Variants in GDI2 observed in about 807,000 individuals in gnomAD.
GDI2 encodes the protein rab GDP dissociation inhibitor beta.
GDI2 carries 22 observed loss-of-function variants against 54.2 expected under a neutral mutation model. The observed-to-expected ratio is 0.41, with a 90% CI of 0.29 to 0.58. GDI2 has a LOEUF of 0.58. Among genes scored for constraint, GDI2 ranks in the 20% least tolerant of loss-of-function variants. The pLI, the probability that GDI2 is intolerant of heterozygous loss-of-function variation, is 0.35. For synonymous variants in GDI2, 177 were observed against 182.1 expected (o/e 0.97, Z 0.23); for missense variants, 422 against 546.0 (o/e 0.77, Z 2.26).
Position 5,765,631 on chromosome 10 carries a change from CAA to C in GDI2, c.*373_*374del. 6.1e-6 allele frequency: 1 copy of C among 164,400 alleles called. No individual in the cohort carries two copies. The highest frequency in any genetic ancestry group is 6.4e-5 in the Admixed American group (1 of 15,576). 10.2% of individuals were successfully genotyped at this position (164,400 alleles called of 1,614,324 possible). ...ATTCAATTTAGAATCTCCTGAACCT[CAA>C]GAGGACAGATGACACACAACCTGTA... On this transcript the variant is annotated 3_prime_UTR_variant, in exon 11 of 11. Transcript: ENST00000380191.
At chr10:5,804,080 G>T (rs931050251) in intron 1 of GDI2, among the ~76,000 whole-genome samples, 20 of 141,414 alleles carry the variant, frequency 1.4e-4, no homozygotes, top group Non-Finnish European at 2.8e-4. Flanking sequence ...CACTATAGGA[G>T]TGTGAATCAT....
intron 6 of GDI2, among the ~76,000 whole-genome samples, chr10:5,784,926 C>T (rs564688238): frequency 6.6e-6 from 1 of 152,322 alleles, no homozygotes; most frequent in African/African-American, 2.4e-5. Context: ...GGAGTTGGCA[C>T]TTACAAGAGC....
chr10:5,795,077 T>G, intron 3 of GDI2, 58 bp from the exon 4 acceptor site: 1 of 1,023,928 alleles, frequency 9.8e-7, no homozygotes, highest in Non-Finnish European at 1.5e-6. Flanking sequence ...AAAGAACATT[T>G]ACTAATACTA....
chr10:5,774,934 G>A lies in GDI2; in HGVS notation c.720-993C>T, dbSNP rs1342377867. Among the ~76,000 whole-genome samples, 2 of 149,714 alleles carry A rather than the reference G, an allele frequency of 1.3e-5. No individual in the cohort carries two copies. Among genetic ancestry groups the A allele is most frequent in the Non-Finnish European group, 3.0e-5 (2 of 66,846 alleles). ...CAAGGGCAAGGCCAAGGGAAGGGTT[G>A]ACCAGTAATAGCTATATTAGTCTAA... On this transcript the variant is annotated intron_variant, in intron 6 of 10. Transcript: ENST00000380191. The surrounding 1 kb of genome is among the most constrained non-coding windows in gnomAD (Gnocchi z 4.8).
At chr10:5,791,750 G>GAAAAAAAAAAAAA in intron 4 of GDI2, among the ~76,000 whole-genome samples, 1 of 137,268 alleles carries the variant, frequency 7.3e-6, no homozygotes, top group Non-Finnish European at 1.5e-5. Flanking sequence ...CAAAAAAAAA[G>GAAAAAAAAAAAAA]AAAAAAAAAA....
chr10:5,799,729 G>A (rs1841225642), intron 2 of GDI2, among the ~76,000 whole-genome samples: 1 of 152,186 alleles, frequency 6.6e-6, no homozygotes, highest in African/African-American at 2.4e-5. Flanking sequence ...GGGACCACTG[G>A]GAAATTTGAA....
intron 6 of GDI2, among the ~76,000 whole-genome samples, chr10:5,779,556 A>T (rs566802539): frequency 6.6e-6 from 1 of 151,766 alleles, no homozygotes; most frequent in Non-Finnish European, 1.5e-5. Context: ...AGATCTAGAC[A>T]GTATAAAAAA....
chr10:5,796,703 GT>G, intron 3 of GDI2, 59 bp downstream of exon 3: 1 of 858,550 alleles, frequency 1.2e-6, no homozygotes, highest in Non-Finnish European at 2.0e-6. Context: ...TCAAAAGTTA[GT>G]TTTGATATTA....
At chr10:5,797,073 C>G (rs1470705557) in intron 2 of GDI2, among the ~76,000 whole-genome samples, 1 of 152,062 alleles carries the variant, frequency 6.6e-6, no homozygotes, top group Non-Finnish European at 1.5e-5. Flanking sequence ...TTAAAATTAA[C>G]AAATATGGCA....
chr10:5,794,024 C>A (rs565891013), intron 4 of GDI2, among the ~76,000 whole-genome samples: 4 of 150,858 alleles, frequency 2.7e-5, no homozygotes, highest in Admixed American at 2.0e-4. Context: ...ATTAGCCGGG[C>A]GTGTTGGTAC....
At chr10:5,770,818 T>G (rs1840472133) in intron 7 of GDI2, among the ~76,000 whole-genome samples, 2 of 151,376 alleles carry the variant, frequency 1.3e-5, no homozygotes, top group Admixed American at 1.3e-4. Context: ...ATACAAAAAT[T>G]AGCTGGGTGT....
Position 5,794,760 on chromosome 10 carries a change from C to T in GDI2, c.388+125G>A, listed in dbSNP as rs2131708138. The T allele has an allele frequency of 2.8e-5, 20 of 702,210 alleles. 2 individuals carry two copies. In the South Asian group the frequency reaches 3.6e-4, roughly 13 times the overall value. The allele number at this position is 702,210 out of a possible 1,614,324, so 43.5% of individuals were successfully genotyped here. A position where few individuals can be genotyped will look rare whatever the true frequency, so the allele number is the denominator to read the frequency against. ...TGTTCCCAACTGCCTAGAACAGTGT[C>T]TGGCACATGATAGACATTCAATAAA... On this transcript the variant is annotated intron_variant, in intron 4 of 10. Coordinates refer to ENST00000380191, the MANE Select transcript of GDI2 (RefSeq NM_001494.4).
intron 7 of GDI2, among the ~76,000 whole-genome samples, chr10:5,773,227 T>G (rs1052989231): frequency 2.0e-5 from 3 of 152,186 alleles, no homozygotes; most frequent in Admixed American, 6.5e-5. Flanking sequence ...GCTTAGATTT[T>G]TAGAATTCCA....
At chr10:5,809,227 AG>A (rs1841439990) in intron 1 of GDI2, among the ~76,000 whole-genome samples, 1 of 146,978 alleles carries the variant, frequency 6.8e-6, no homozygotes, top group South Asian at 2.2e-4. Flanking sequence ...CCTGGGCAAC[AG>A]AGTGAGACTC....
intron 6 of GDI2, among the ~76,000 whole-genome samples, chr10:5,780,420 T>G (rs1451166868): frequency 2.0e-5 from 3 of 151,620 alleles, no homozygotes; most frequent in Non-Finnish European, 4.4e-5. Context: ...TCCTAACAAG[T>G]GCAATAAAGG....
At chr10:5,775,972 G>A (rs189975311) in intron 6 of GDI2, 451 of 172,806 alleles carry the variant, frequency 2.6e-3, no homozygotes, top group African/African-American at 5.5e-3. Context: ...CAGTCCCTGC[G>A]GCTGCATCGC....
intron 4 of GDI2, 152 bp downstream of exon 4, chr10:5,794,733 T>C (rs1381085520): frequency 1.6e-6 from 1 of 615,200 alleles, no homozygotes; most frequent in South Asian, 2.1e-5. Context: ...TGTTCACTGA[T>C]GTGTTCCCAA....
chr10:5,783,364 G>A (rs1840804204), intron 6 of GDI2, among the ~76,000 whole-genome samples: 1 of 152,066 alleles, frequency 6.6e-6, no homozygotes, highest in South Asian at 2.1e-4. Flanking sequence ...ATCTCTTGAA[G>A]ACAGCAGATA....
chr10:5,790,801 T>C (rs1272482123), intron 4 of GDI2, among the ~76,000 whole-genome samples: 2 of 151,978 alleles, frequency 1.3e-5, no homozygotes, highest in Non-Finnish European at 2.9e-5. Flanking sequence ...TCTAAGAGGG[T>C]TAAAACTCAC....
Sources: allele counts gnomAD v4.1 joint callset (sites outside exome capture counted in the v4.1 genomes callset), GRCh38; gene constraint gnomAD v4.1.1; non-coding constraint Gnocchi (gnomAD v3.1); transcripts MANE v1.5; gene names NCBI Gene and HGNC (gene_info 2026-07-23, HGNC 2026-07-21).